Variants in ADA2 observed in about 807,000 individuals in gnomAD.
The protein encoded by ADA2 is adenosine deaminase 2.
In ADA2, 29 loss-of-function variants were observed where a neutral mutation model predicts 44.2. That is an observed-to-expected ratio of 0.66 (90% CI 0.49 to 0.89). The LOEUF (loss-of-function observed/expected upper bound fraction) is 0.89. Ranked by LOEUF, ADA2 falls within the 40% of genes least tolerant of loss-of-function variation. ADA2 has a pLI of 0.00. For missense variants in ADA2, 637 were observed against 644.8 expected (o/e 0.99, Z 0.13); for synonymous variants, 215 against 234.9 (o/e 0.92, Z 0.77).
At chr22:17,209,074 C>A (rs1480409423) in intron 2 of ADA2, among the ~76,000 whole-genome samples, 1 of 151,970 alleles carries the variant, frequency 6.6e-6, no homozygotes, top group African/African-American at 2.4e-5. Flanking sequence ...CACATTGTAT[C>A]CTATGTGGTA....
chr22:17,196,252 C>T (rs770091530), intron 4 of ADA2, among the ~76,000 whole-genome samples: 3 of 143,882 alleles, frequency 2.1e-5, no homozygotes, highest in Non-Finnish European at 4.5e-5. Context: ...ACCCAGGAAG[C>T]GGAGGTTGCA....
chr22:17,214,180 C>T, intron 1 of ADA2: 1 of 632,756 alleles, frequency 1.6e-6, no homozygotes, highest in Non-Finnish European at 2.9e-6. Flanking sequence ...CAGTAGGGAG[C>T]AGCATCGAGG....
chr22:17,211,882 C>T (rs908662836), intron 1 of ADA2, among the ~76,000 whole-genome samples: 2 of 151,582 alleles, frequency 1.3e-5, no homozygotes, highest in African/African-American at 2.4e-5. Flanking sequence ...GAGCCAAGAT[C>T]GTGCCACTGC....
chr22:17,208,838 A>ATTTTTTTTTTTTTTTTTTT (rs796662081), intron 2 of ADA2, among the ~76,000 whole-genome samples: 2 of 142,912 alleles, frequency 1.4e-5, no homozygotes, highest in African/African-American at 2.6e-5. Flanking sequence ...AAAAATTAAC[A>ATTTTTTTTTTTTTTTTTTT]TTTTTTGGGG....
intron 1 of ADA2, among the ~76,000 whole-genome samples, chr22:17,212,455 G>T (rs1458673798): frequency 6.6e-6 from 1 of 151,896 alleles, no homozygotes; most frequent in Non-Finnish European, 1.5e-5. Flanking sequence ...TGTATTTGTA[G>T]TAGAGACGGA....
chr22:17,192,662 C>T (rs927786745), intron 4 of ADA2, among the ~76,000 whole-genome samples: 5 of 152,110 alleles, frequency 3.3e-5, no homozygotes, highest in African/African-American at 9.7e-5. Context: ...ACCCCCATCT[C>T]TACCAAAAAT....
At chr22:17,211,725 C>T (rs1256531174) in intron 1 of ADA2, among the ~76,000 whole-genome samples, 5 of 151,950 alleles carry the variant, frequency 3.3e-5, no homozygotes, top group Admixed American at 6.6e-5. Context: ...GTCAAGAGAT[C>T]GAGAGCATCC....
chr22:17,210,338 G>A (rs2062405825), intron 1 of ADA2, among the ~76,000 whole-genome samples: 1 of 151,692 alleles, frequency 6.6e-6, no homozygotes. Flanking sequence ...TTACAGGCAT[G>A]CATCACCACG....
intron 6 of ADA2, 128 bp from the exon 7 acceptor site, chr22:17,188,575 C>A: frequency 3.2e-6 from 2 of 624,854 alleles, no homozygotes; most frequent in Non-Finnish European, 5.6e-6. Flanking sequence ...TGTCACACAG[C>A]CTTTTAAGAA....
At chr22:17,209,887 C>CA in intron 1 of ADA2, 164 bp from the exon 2 acceptor site, 1 of 518,418 alleles carries the variant, frequency 1.9e-6, no homozygotes, top group African/African-American at 2.0e-5. Context: ...AGGGGTTTCC[C>CA]AATTTTTTTT....
chr22:17,180,633 A>C lies in ADA2; in HGVS notation c.*850T>G, dbSNP rs781668346. 1 of 152,032 alleles carries C rather than the reference A, an allele frequency of 6.6e-6. No individual in the cohort carries two copies. The highest frequency in any genetic ancestry group is 6.6e-5 in the Admixed American group (1 of 15,262). The allele number at this position is 152,032 out of a possible 1,614,324, so 9.4% of individuals were successfully genotyped here. A position where few individuals can be genotyped will look rare whatever the true frequency, so the allele number is the denominator to read the frequency against. On this transcript the variant is annotated 3_prime_UTR_variant, in exon 10 of 10. Transcript: ENST00000399837. ...TAGCAAGACACTCTTTAGAAAAATT[A>C]AAGTAGAGAAAAAGAAAGGTTTAAA...
rs1409512004 is a variant in ADA2, at chr22:17,180,425, C to T, written c.*1058G>A. ...AGTGGGGGACGGCGCAGCATCAAGA[C>T]TTGCACTGAAAATTTCTGCTTTGAG... On this transcript the variant is annotated 3_prime_UTR_variant, in exon 10 of 10. Coordinates refer to ENST00000399837, the MANE Select transcript of ADA2 (RefSeq NM_001282225.2). 6.6e-6 allele frequency: 1 copy of T among 152,296 alleles called. No individual in the cohort carries two copies. Among genetic ancestry groups the T allele is most frequent in the African/African-American group, 2.4e-5 (1 of 41,428 alleles). 9.4% of individuals were successfully genotyped at this position (152,296 alleles called of 1,614,324 possible).
rs879110388 is a variant in ADA2, at chr22:17,214,438, G to T, written c.-46-4715C>A. On this transcript the variant is annotated intron_variant, in intron 1 of 9. Transcript: ENST00000399837. The stretch of plus-strand genomic sequence containing the variant: ...TTATTCAGAGGTAAAGCCCATTTCT[G>T]TGTCCGTACCATGTAAAAATGTTTT... 2.6e-5 allele frequency among the ~76,000 whole-genome samples: 4 copies of T among 152,328 alleles called. No homozygotes were observed. The South Asian group carries it at 8.3e-4, about 32-fold the overall frequency.
chr22:17,182,915 C>T (rs1368151519), intron 7 of ADA2, among the ~76,000 whole-genome samples, 154 bp from the exon 8 acceptor site: 1 of 150,484 alleles, frequency 6.6e-6, no homozygotes, highest in Non-Finnish European at 1.5e-5. Context: ...CACAAATACA[C>T]ACACACAGTT....
chr22:17,218,666 A>G (rs2062495684), intron 1 of ADA2, among the ~76,000 whole-genome samples: 1 of 152,186 alleles, frequency 6.6e-6, no homozygotes, highest in South Asian at 2.1e-4. Flanking sequence ...GTGTCCCAGC[A>G]ACTGTGAACT....
At chr22:17,192,826 C>G (rs2062136086) in intron 4 of ADA2, 1 of 312,486 alleles carries the variant, frequency 3.2e-6, no homozygotes, top group South Asian at 2.3e-5. Context: ...AAGACTCTGT[C>G]TCGAAAAAAA....
intron 4 of ADA2, among the ~76,000 whole-genome samples, chr22:17,202,490 C>T (rs1004016600): frequency 6.6e-6 from 1 of 152,112 alleles, no homozygotes; most frequent in Non-Finnish European, 1.5e-5. Flanking sequence ...TGGTTTCAAA[C>T]TCCTGGCCTC....
At chr22:17,220,682 C>T (rs1274426086), upstream of ADA2, among the ~76,000 whole-genome samples, 1 of 152,082 alleles carries the variant, frequency 6.6e-6, no homozygotes, top group Non-Finnish European at 1.5e-5. Flanking sequence ...CCTCCCCAGT[C>T]CCACTCAAAT....
intron 6 of ADA2, among the ~76,000 whole-genome samples, chr22:17,189,408 T>A (rs1369257320): frequency 6.6e-6 from 1 of 152,078 alleles, no homozygotes; most frequent in Non-Finnish European, 1.5e-5. Context: ...CACCTATGAA[T>A]GTGTAGCTTC....
Sources: allele counts gnomAD v4.1 joint callset (sites outside exome capture counted in the v4.1 genomes callset), GRCh38; gene constraint gnomAD v4.1.1; transcripts MANE v1.5; gene names NCBI Gene and HGNC (gene_info 2026-07-23, HGNC 2026-07-21).